The following CDC37L1 variants were observed in gnomAD, a reference collection of about 807,000 sequenced individuals.
CDC37L1 encodes hsp90 co-chaperone Cdc37-like 1.
Under a neutral mutation model 45.9 loss-of-function variants are expected in CDC37L1, and 32 were observed. That is an observed-to-expected ratio of 0.70 (90% CI 0.53 to 0.94). The LOEUF is 0.94. Among genes scored for constraint, CDC37L1 ranks in the 40% least tolerant of loss-of-function variants. The pLI is 0.00. For missense variants in CDC37L1, 434 were observed against 405.7 expected, an observed-to-expected ratio of 1.07 and a Z score of -0.60; for synonymous variants, 150 against 133.0, an observed-to-expected ratio of 1.13 and a Z score of -0.88.
Position 4,685,122 on chromosome 9 carries a change from G to C in CDC37L1, c.378G>C (p.Trp126Cys). Residue 126 changes from tryptophan to cysteine, a missense_variant, in exon 2 of 7, where the codon TGG becomes TGC. Transcript: ENST00000381854. ...ALVQREKMCLWSTDAISKDVF... is the reference protein window; with the variant it reads ...ALVQREKMCLCSTDAISKDVF... Reference sequence around the variant, plus strand: ...TACAAAGAGAGAAGATGTGTCTGTGGAGCACGGATGCCATTAGCAAGGATG... The same window carrying C: ...TACAAAGAGAGAAGATGTGTCTGTGCAGCACGGATGCCATTAGCAAGGATG... 6.2e-7 allele frequency: 1 copy of C among 1,613,936 alleles called. No individual in the cohort carries two copies.
At chr9:4,681,536 C>T (rs2014976) in intron 1 of CDC37L1, among the ~76,000 whole-genome samples, 48,504 of 151,938 alleles carry the variant, frequency 0.32, 8,547 homozygotes, top group African/African-American at 0.48. Flanking sequence ...CCCAGCTACT[C>T]GGGAGGCTGA....
intron 6 of CDC37L1, chr9:4,703,243 C>A: frequency 1.5e-6 from 1 of 683,358 alleles, no homozygotes; most frequent in Non-Finnish European, 2.1e-6. Context: ...TTGACCTTAT[C>A]TCACTGTAAT....
chr9:4,707,800 C>T lies in CDC37L1; in HGVS notation c.*1688C>T, dbSNP rs1841459265. 1 of 151,878 alleles carries T rather than the reference C, an allele frequency of 6.6e-6. No homozygotes were observed. Among genetic ancestry groups the T allele is most frequent in the African/African-American group, 2.4e-5 (1 of 41,324 alleles). The allele number at this position is 151,878 out of a possible 1,614,324, so 9.4% of individuals were successfully genotyped here. A position where few individuals can be genotyped will look rare whatever the true frequency, so the allele number is the denominator to read the frequency against. On this transcript the variant is annotated 3_prime_UTR_variant, in exon 7 of 7. Transcript: ENST00000381854. ...CTACCAAATTGAGAGAATGGGCAGACACAGGAGCCATATTCCTAGTTTCAC... is the reference window on the plus strand; with the variant it reads ...CTACCAAATTGAGAGAATGGGCAGATACAGGAGCCATATTCCTAGTTTCAC...
At chr9:4,697,672 T>C (rs1841360790) in intron 4 of CDC37L1, 85 bp from the exon 5 acceptor site, 1 of 666,626 alleles carries the variant, frequency 1.5e-6, no homozygotes, top group Non-Finnish European at 2.6e-6. Flanking sequence ...AAATCAAAAG[T>C]ATTTTAAAAA....
intron 1 of CDC37L1, among the ~76,000 whole-genome samples, chr9:4,684,436 C>T (rs550772258): frequency 6.1e-4 from 93 of 152,102 alleles, no homozygotes; most frequent in African/African-American, 2.1e-3. Flanking sequence ...AACCAAGAAA[C>T]GATTACTTCT....
At chr9:4,682,704 C>G (rs1030312227) in intron 1 of CDC37L1, among the ~76,000 whole-genome samples, 1 of 150,742 alleles carries the variant, frequency 6.6e-6, no homozygotes, top group Admixed American at 6.6e-5. Context: ...AACTCCTGAC[C>G]TCAGGTAATC....
intron 5 of CDC37L1, among the ~76,000 whole-genome samples, chr9:4,701,092 G>A (rs951996628): frequency 1.3e-5 from 2 of 152,116 alleles, no homozygotes; most frequent in Non-Finnish European, 2.9e-5. Flanking sequence ...TAATCCACAG[G>A]TTTTAACCTG....
At chr9:4,694,474 G>T (rs899099561) in intron 3 of CDC37L1, among the ~76,000 whole-genome samples, 1 of 152,092 alleles carries the variant, frequency 6.6e-6, no homozygotes, top group Non-Finnish European at 1.5e-5. Context: ...CTAATTCAAT[G>T]TGCATTTTTG....
chr9:4,689,635 C>A (rs1226222285), intron 3 of CDC37L1, among the ~76,000 whole-genome samples: 1 of 152,036 alleles, frequency 6.6e-6, no homozygotes, highest in African/African-American at 2.4e-5. Context: ...CAAAGTTTTT[C>A]TACATATAAT....
At chr9:4,685,895 G>T (rs1278598937) in intron 2 of CDC37L1, among the ~76,000 whole-genome samples, 1 of 152,182 alleles carries the variant, frequency 6.6e-6, no homozygotes, top group Non-Finnish European at 1.5e-5. Context: ...AGGCTTAGTT[G>T]TCCACACCTG....
Position 4,679,662 on chromosome 9 carries a change from C to G in CDC37L1, c.-106C>G. On this transcript the variant is annotated 5_prime_UTR_variant, in exon 1 of 7. Transcript: ENST00000381854. ...GGGATTCTGGGTAACGGCCCGGACCCCCGGCTGGGCTTCTGGCTCGGCGCA... is the reference window on the plus strand; with the variant it reads ...GGGATTCTGGGTAACGGCCCGGACCGCCGGCTGGGCTTCTGGCTCGGCGCA... 9.1e-7 allele frequency: 1 copy of G among 1,094,746 alleles called. No individual in the cohort carries two copies. The highest frequency in any genetic ancestry group is 1.3e-6 in the Non-Finnish European group (1 of 786,024). 67.8% of individuals were successfully genotyped at this position (1,094,746 alleles called of 1,614,324 possible). A position where few individuals can be genotyped will look rare whatever the true frequency, so the allele number is the denominator to read the frequency against.
intron 3 of CDC37L1, among the ~76,000 whole-genome samples, chr9:4,695,867 T>C (rs969919391): frequency 4.6e-5 from 7 of 152,186 alleles, no homozygotes; most frequent in Admixed American, 4.6e-4. Context: ...CTCGGCTCGC[T>C]GCAACCTCCG....
intron 2 of CDC37L1, among the ~76,000 whole-genome samples, chr9:4,687,700 AAGACAC>A (rs1198394092): frequency 2.0e-5 from 3 of 149,968 alleles, no homozygotes; most frequent in Non-Finnish European, 4.4e-5. Context: ...AAAAAAAAAA[AAGACAC>A]GCAACAACAA....
chr9:4,703,528 GAAAT>G (rs1841418626), intron 6 of CDC37L1, among the ~76,000 whole-genome samples: 1 of 152,068 alleles, frequency 6.6e-6, no homozygotes, highest in Admixed American at 6.6e-5. Flanking sequence ...CAGTTCCTAA[GAAAT>G]AGCCCATAGG....
chr9:4,698,275 T>A (rs1841366109), intron 5 of CDC37L1, among the ~76,000 whole-genome samples: 1 of 149,422 alleles, frequency 6.7e-6, no homozygotes, highest in South Asian at 2.1e-4. Context: ...GAAATCAGAC[T>A]TTTATAAAGA....
chr9:4,706,238 T>C lies in CDC37L1; in HGVS notation c.*126T>C. On this transcript the variant is annotated 3_prime_UTR_variant, in exon 7 of 7. Transcript: ENST00000381854. ...TCGGTTTTTGATGGGAGGGAAAGAG[T>C]ACTGAAATGTTTTGTAAATTTTTTT... 1 of 499,420 alleles carries C rather than the reference T, an allele frequency of 2.0e-6. No individual in the cohort carries two copies. Among genetic ancestry groups the C allele is most frequent in the Non-Finnish European group, 3.7e-6 (1 of 270,068 alleles). The allele number at this position is 499,420 out of a possible 1,614,324, so 30.9% of individuals were successfully genotyped here.
rs1367596164 is a variant in CDC37L1, at chr9:4,707,797, A to C, written c.*1685A>C. 1 of 152,100 alleles carries C rather than the reference A, an allele frequency of 6.6e-6. No individual in the cohort carries two copies. The highest frequency in any genetic ancestry group is 1.5e-5 in the Non-Finnish European group (1 of 68,024). 9.4% of individuals were successfully genotyped at this position (152,100 alleles called of 1,614,324 possible). ...TTTCTACCAAATTGAGAGAATGGGCAGACACAGGAGCCATATTCCTAGTTT... is the reference window on the plus strand; with the variant it reads ...TTTCTACCAAATTGAGAGAATGGGCCGACACAGGAGCCATATTCCTAGTTT... On this transcript the variant is annotated 3_prime_UTR_variant, in exon 7 of 7. Coordinates refer to ENST00000381854, the MANE Select transcript of CDC37L1 (RefSeq NM_017913.4).
At chr9:4,691,342 A>G (rs892503773) in intron 3 of CDC37L1, among the ~76,000 whole-genome samples, 6 of 152,180 alleles carry the variant, frequency 3.9e-5, no homozygotes, top group African/African-American at 1.4e-4. Flanking sequence ...GCCCTTCGGT[A>G]AACTCCAGTG....
chr9:4,683,001 TATA>T (rs1025106449), intron 1 of CDC37L1, among the ~76,000 whole-genome samples: 22 of 143,448 alleles, frequency 1.5e-4, no homozygotes, highest in African/African-American at 4.8e-4. Context: ...TATATTAAAA[TATA>T]ATATATATAT....
Sources: allele counts gnomAD v4.1 joint callset (sites outside exome capture counted in the v4.1 genomes callset), GRCh38; gene constraint gnomAD v4.1.1; transcripts MANE v1.5; gene names NCBI Gene and HGNC (gene_info 2026-07-23, HGNC 2026-07-21).